NOS1: variants seen among roughly 807,000 people sequenced by gnomAD.
The protein encoded by NOS1 is nitric oxide synthase 1.
In NOS1, 51 loss-of-function variants were observed where a neutral mutation model predicts 164.5. The ratio of observed to expected loss-of-function variants is 0.31; its 90% CI spans 0.25 to 0.39. The LOEUF is 0.39. NOS1 is among the 10% of genes least tolerant of loss of function. The pLI, the probability that NOS1 is intolerant of heterozygous loss-of-function variation, is 1.00. For missense variants in NOS1, 1,362 were observed against 1,885.6 expected (o/e 0.72, Z 5.14); for synonymous variants, 719 against 745.8 (o/e 0.96, Z 0.59).
At chr12:117,346,024 A>G (rs966802076) in intron 1 of NOS1, among the ~76,000 whole-genome samples, 4 of 152,388 alleles carry the variant, frequency 2.6e-5, no homozygotes, top group Admixed American at 6.5e-5. Flanking sequence ...TGGAGGGCCC[A>G]TGCCGTGTTT....
chr12:117,361,552 G>A lies in NOS1; in HGVS notation c.-461C>T, dbSNP rs1255261340. On this transcript the variant is annotated 5_prime_UTR_variant, in exon 1 of 29. Coordinates refer to ENST00000317775, the MANE Select transcript of NOS1 (RefSeq NM_000620.5). ...GCTGCTCGCTGCCCGGCCGCCCCTC[G>A]GAGGAGCCGCGGCGCTAAGTAGCTC... is the stretch of plus-strand genomic sequence containing the variant. The A allele has an allele frequency of 1.3e-5, 2 of 152,128 alleles. No homozygotes were observed. Among genetic ancestry groups the A allele is most frequent in the Admixed American group, 6.6e-5 (1 of 15,266 alleles). 9.4% of individuals were successfully genotyped at this position (152,128 alleles called of 1,614,324 possible).
At chr12:117,297,400 C>CT (rs772710296) in intron 3 of NOS1, among the ~76,000 whole-genome samples, 3 of 151,612 alleles carry the variant, frequency 2.0e-5, no homozygotes, top group Non-Finnish European at 2.9e-5. Flanking sequence ...GGATGGTGGG[C>CT]TTTTTTTTGA....
At chr12:117,261,004 C>A (rs1871857399) in intron 13 of NOS1, among the ~76,000 whole-genome samples, 1 of 151,636 alleles carries the variant, frequency 6.6e-6, no homozygotes, top group African/African-American at 2.4e-5. Context: ...TCCGTCTCTA[C>A]TAAAATACAA....
chr12:117,249,220 G>A (rs1352957536), intron 17 of NOS1, among the ~76,000 whole-genome samples: 1 of 152,186 alleles, frequency 6.6e-6, no homozygotes, highest in African/African-American at 2.4e-5. Context: ...GTGTTTAGCT[G>A]TTGGTGGTCA....
intron 1 of NOS1, among the ~76,000 whole-genome samples, chr12:117,340,623 A>C (rs1353759529): frequency 6.6e-6 from 1 of 152,160 alleles, no homozygotes; most frequent in African/African-American, 2.4e-5. Flanking sequence ...TCTGCCTCCC[A>C]GGTTCAAGTG....
chr12:117,335,581 G>A (rs995814133), intron 1 of NOS1, among the ~76,000 whole-genome samples: 1 of 152,080 alleles, frequency 6.6e-6, no homozygotes, highest in Non-Finnish European at 1.5e-5. Flanking sequence ...TGCGACCTTG[G>A]CCAAGTCCCT....
At chr12:117,361,201 C>T (rs1178164728) in intron 1 of NOS1, among the ~76,000 whole-genome samples, 1 of 151,874 alleles carries the variant, frequency 6.6e-6, no homozygotes, top group Non-Finnish European at 1.5e-5. Context: ...TACTCCTCCT[C>T]TTCCTCCCGG....
intron 23 of NOS1, among the ~76,000 whole-genome samples, 180 bp downstream of exon 23, chr12:117,227,251 G>T (rs948258608): frequency 5.9e-5 from 9 of 152,136 alleles, no homozygotes; most frequent in African/African-American, 2.2e-4. Context: ...TTCTGCTCAG[G>T]CTTGGCTCTG....
chr12:117,261,744 A>G (rs992034195), intron 13 of NOS1, among the ~76,000 whole-genome samples: 3 of 152,188 alleles, frequency 2.0e-5, no homozygotes, highest in Non-Finnish European at 4.4e-5. Flanking sequence ...CTTGAGGCCA[A>G]GGGTTTGAAA....
intron 2 of NOS1, among the ~76,000 whole-genome samples, chr12:117,326,708 A>C (rs564758642): frequency 7.9e-5 from 12 of 152,190 alleles, no homozygotes; most frequent in South Asian, 2.1e-4. Context: ...GAGCTGGGAA[A>C]ATAGGTCTGC....
intron 25 of NOS1, 146 bp downstream of exon 25, chr12:117,224,870 G>A: frequency 9.9e-7 from 1 of 1,011,256 alleles, no homozygotes; most frequent in Non-Finnish European, 1.5e-6. Flanking sequence ...TCACCTGTAG[G>A]TCAGGCTGGT....
At chr12:117,231,085 T>A (rs971649902) in intron 22 of NOS1, among the ~76,000 whole-genome samples, 2 of 152,012 alleles carry the variant, frequency 1.3e-5, no homozygotes, top group Non-Finnish European at 2.9e-5. Flanking sequence ...CCAGCACTTT[T>A]GGGAGGCCGA....
intron 8 of NOS1, 122 bp from the exon 9 acceptor site, chr12:117,278,220 T>G: frequency 8.7e-7 from 1 of 1,143,536 alleles, no homozygotes; most frequent in East Asian, 2.8e-5. Flanking sequence ...AGACATTTCC[T>G]CTGGAGGCTC....
At chr12:117,228,057 A>C (rs1038058628) in intron 22 of NOS1, among the ~76,000 whole-genome samples, 1 of 151,808 alleles carries the variant, frequency 6.6e-6, no homozygotes, top group African/African-American at 2.4e-5. Context: ...GAGAGAGAGA[A>C]AGAAAGGAAC....
At chr12:117,230,770 G>C (rs1255559039) in intron 22 of NOS1, among the ~76,000 whole-genome samples, 1 of 152,164 alleles carries the variant, frequency 6.6e-6, no homozygotes, top group Non-Finnish European at 1.5e-5. Context: ...AGTCCCCCCT[G>C]CAGCTCCTCT....
At chr12:117,249,794 C>T (rs78864450) in intron 17 of NOS1, among the ~76,000 whole-genome samples, 2,130 of 152,134 alleles carry the variant, frequency 0.014, 30 homozygotes, top group Middle Eastern at 0.044. Context: ...AGGGCTGTGT[C>T]CTAGATGGCT....
At chr12:117,229,657 C>T (rs1175905029) in intron 22 of NOS1, among the ~76,000 whole-genome samples, 4 of 150,530 alleles carry the variant, frequency 2.7e-5, no homozygotes, top group African/African-American at 9.7e-5. Flanking sequence ...GGCATGATCT[C>T]GGCTCACTGC....
At chr12:117,299,376 C>T (rs524946) in intron 3 of NOS1, among the ~76,000 whole-genome samples, 69,062 of 151,642 alleles carry the variant, frequency 0.46, 17,237 homozygotes, top group African/African-American at 0.66. Context: ...CGGTGGCTCA[C>T]GCCTGTAATC....
chr12:117,314,653 C>T (rs899983362), intron 2 of NOS1, among the ~76,000 whole-genome samples: 8 of 152,142 alleles, frequency 5.3e-5, no homozygotes, highest in South Asian at 2.1e-4. Context: ...ATCACCCAGG[C>T]GGGAGTGCAG....
Sources: gnomAD v4.1 joint callset for allele counts (sites outside exome capture counted in the v4.1 genomes callset) on GRCh38, gnomAD v4.1.1 for gene constraint, MANE v1.5 for transcripts, NCBI Gene and HGNC (gene_info 2026-07-23, HGNC 2026-07-21) for gene names.